CTNNA3: variants seen among roughly 807,000 people sequenced by gnomAD.
CTNNA3 encodes catenin alpha 3.
A neutral mutation model predicts 95.7 loss-of-function variants in CTNNA3; 76 were observed. That is an observed-to-expected ratio of 0.79 (90% CI 0.66 to 0.96). CTNNA3 has a LOEUF of 0.96. CTNNA3 is among the 40% of genes least tolerant of loss of function. The probability of loss-of-function intolerance (pLI) is 0.00; values close to 1 mark genes in which losing one functional copy is unlikely to be tolerated. For synonymous variants in CTNNA3, 431 were observed against 374.4 expected, an observed-to-expected ratio of 1.15 and a Z score of -1.74; for missense variants, 1,191 against 1,089.8, an observed-to-expected ratio of 1.09 and a Z score of -1.31.
At chr10:66,522,982 T>A (rs746155105) in intron 10 of CTNNA3, among the ~76,000 whole-genome samples, 1 of 152,072 alleles carries the variant, frequency 6.6e-6, no homozygotes, top group Non-Finnish European at 1.5e-5. Flanking sequence ...ACGGAAAAAA[T>A]TAGTTGCCTG....
chr10:66,721,719 G>A (rs761854501), intron 9 of CTNNA3, among the ~76,000 whole-genome samples: 1 of 152,198 alleles, frequency 6.6e-6, no homozygotes, highest in Non-Finnish European at 1.5e-5. Flanking sequence ...GAAGGTGGGA[G>A]CAACGAGAGG....
intron 7 of CTNNA3, among the ~76,000 whole-genome samples, chr10:66,876,093 C>T (rs1015632556): frequency 1.3e-5 from 2 of 152,058 alleles, no homozygotes; most frequent in Non-Finnish European, 2.9e-5. Flanking sequence ...CTGCCTTCTT[C>T]CAGAAGAAAC....
chr10:66,501,806 A>G (rs928989900), intron 11 of CTNNA3, among the ~76,000 whole-genome samples: 2 of 152,162 alleles, frequency 1.3e-5, no homozygotes, highest in African/African-American at 4.8e-5. Flanking sequence ...ATAGATGGAA[A>G]ATGTCTGTCA....
At chr10:67,673,405 G>T (rs1475648162) in intron 1 of CTNNA3, among the ~76,000 whole-genome samples, 68 of 151,160 alleles carry the variant, frequency 4.5e-4, no homozygotes, top group African/African-American at 1.5e-3. Flanking sequence ...ATGTTGAATA[G>T]GAGTGGTGAG....
At chr10:67,206,121 A>G (rs1863887757) in intron 6 of CTNNA3, among the ~76,000 whole-genome samples, 1 of 152,220 alleles carries the variant, frequency 6.6e-6, no homozygotes, top group African/African-American at 2.4e-5. Flanking sequence ...GTTCCTTTGG[A>G]TAAAGGCAAT....
intron 7 of CTNNA3, among the ~76,000 whole-genome samples, chr10:66,905,662 A>G (rs922279834): frequency 1.3e-5 from 2 of 152,180 alleles, no homozygotes; most frequent in African/African-American, 4.8e-5. Flanking sequence ...GTATATACAC[A>G]TAATGGTGGA....
At chr10:65,986,360 T>A (rs1052469284) in intron 16 of CTNNA3, among the ~76,000 whole-genome samples, 1 of 148,288 alleles carries the variant, frequency 6.7e-6, no homozygotes, top group Non-Finnish European at 1.5e-5. Flanking sequence ...GATAAAAAAA[T>A]TCAATAAAGT....
chr10:66,715,919 ATTAT>A (rs1213592172), intron 9 of CTNNA3, among the ~76,000 whole-genome samples: 1 of 151,386 alleles, frequency 6.6e-6, no homozygotes, highest in Non-Finnish European at 1.5e-5. Flanking sequence ...CAAAAATAAA[ATTAT>A]TTTTTTCATA....
At chr10:67,665,446 C>T (rs555702192) in intron 1 of CTNNA3, 15 of 152,068 alleles carry the variant, frequency 9.9e-5, no homozygotes, top group Non-Finnish European at 1.8e-4. Context: ...TTTCATTTCC[C>T]CCAAAGTTAT....
chr10:66,526,206 A>C (rs916848225), intron 10 of CTNNA3, among the ~76,000 whole-genome samples: 3 of 151,972 alleles, frequency 2.0e-5, no homozygotes, highest in Non-Finnish European at 4.4e-5. Flanking sequence ...ATTTTTTTAA[A>C]AAGGGGTCTC....
At chr10:66,439,536 T>G (rs560440398) in intron 11 of CTNNA3, among the ~76,000 whole-genome samples, 1 of 152,210 alleles carries the variant, frequency 6.6e-6, no homozygotes, top group East Asian at 1.9e-4. Flanking sequence ...AGATTCCTTA[T>G]GATAAATAAA....
chr10:66,233,790 C>G (rs992461954), intron 13 of CTNNA3, among the ~76,000 whole-genome samples: 4 of 152,096 alleles, frequency 2.6e-5, no homozygotes, highest in Non-Finnish European at 5.9e-5. Flanking sequence ...TGATGATGAT[C>G]TAAGAACTCT....
chr10:66,881,455 A>T (rs1844847840), intron 7 of CTNNA3, among the ~76,000 whole-genome samples: 1 of 152,130 alleles, frequency 6.6e-6, no homozygotes, highest in Non-Finnish European at 1.5e-5. Flanking sequence ...CCTCACAAAA[A>T]TTCAGCCTAC....
At chr10:66,266,982 A>G (rs1911478) in intron 13 of CTNNA3, among the ~76,000 whole-genome samples, 28,140 of 151,886 alleles carry the variant, frequency 0.19, 2,886 homozygotes, top group Admixed American at 0.27. Context: ...ATATATTGTA[A>G]GAGATTGTTT....
At chr10:66,407,534 A>G (rs7079889) in intron 11 of CTNNA3, among the ~76,000 whole-genome samples, 42,661 of 151,754 alleles carry the variant, frequency 0.28, 6,357 homozygotes, top group East Asian at 0.44. Context: ...TGGCTTTGAT[A>G]TGAGACATAT....
chr10:66,582,479 A>G (rs1045085507), intron 10 of CTNNA3, among the ~76,000 whole-genome samples: 2 of 151,748 alleles, frequency 1.3e-5, no homozygotes, highest in African/African-American at 4.8e-5. Context: ...TGATTTATGC[A>G]CACTGGTTTT....
chr10:67,538,452 G>A (rs1840557184), intron 4 of CTNNA3, among the ~76,000 whole-genome samples: 1 of 151,674 alleles, frequency 6.6e-6, no homozygotes, highest in African/African-American at 2.4e-5. Flanking sequence ...GCATGGTGGT[G>A]TGTGCCTGTA....
At chr10:67,737,199 T>C (rs1465944230) in intron 1 of CTNNA3, among the ~76,000 whole-genome samples, 1 of 151,900 alleles carries the variant, frequency 6.6e-6, no homozygotes, top group Non-Finnish European at 1.5e-5. Flanking sequence ...AAAGAAACCA[T>C]GGAAACTTCA....
At chr10:66,308,125 C>G (rs1343402623) in intron 12 of CTNNA3, among the ~76,000 whole-genome samples, 2 of 152,138 alleles carry the variant, frequency 1.3e-5, no homozygotes, top group Non-Finnish European at 2.9e-5. Flanking sequence ...TGCTATAACC[C>G]TGCATTTTTT....
Sources: allele counts gnomAD v4.1 joint callset (sites outside exome capture counted in the v4.1 genomes callset), GRCh38; gene constraint gnomAD v4.1.1; transcripts MANE v1.5; gene names NCBI Gene and HGNC (gene_info 2026-07-23, HGNC 2026-07-21).